The following BNC2 variants were observed in gnomAD, a reference collection of about 807,000 sequenced individuals.
BNC2 encodes basonuclin zinc finger protein 2.
Under a neutral mutation model 76.3 loss-of-function variants are expected in BNC2, and 20 were observed. The ratio of observed to expected loss-of-function variants is 0.26; its 90% CI spans 0.18 to 0.38. The LOEUF (loss-of-function observed/expected upper bound fraction) is 0.38. Ranked by LOEUF, BNC2 falls within the 10% of genes least tolerant of loss-of-function variation. The pLI is 1.00. For missense variants in BNC2, 1,382 were observed against 1,399.8 expected (o/e 0.99, Z 0.20); for synonymous variants, 582 against 514.8 (o/e 1.13, Z -1.77).
At chr9:16,719,582 A>G (rs958608361) in intron 3 of BNC2, among the ~76,000 whole-genome samples, 1 of 152,212 alleles carries the variant, frequency 6.6e-6, no homozygotes, top group Non-Finnish European at 1.5e-5. Context: ...AATTCATGAC[A>G]GTCTCAAAAA....
intron 3 of BNC2, among the ~76,000 whole-genome samples, chr9:16,648,532 G>C (rs531425665): frequency 1.3e-5 from 2 of 152,206 alleles, no homozygotes; most frequent in African/African-American, 4.8e-5. Flanking sequence ...TAAGGACCTG[G>C]GAGAGGTGTC....
chr9:16,846,094 C>T (rs1342222186), intron 1 of BNC2, among the ~76,000 whole-genome samples: 3 of 149,780 alleles, frequency 2.0e-5, no homozygotes, highest in Non-Finnish European at 2.9e-5. Flanking sequence ...GACCCCAGAT[C>T]GCGCCACTGC....
intron 1 of BNC2, among the ~76,000 whole-genome samples, chr9:16,744,874 T>C (rs1419299378): frequency 6.6e-6 from 1 of 152,346 alleles, no homozygotes; most frequent in South Asian, 2.1e-4. Context: ...TGCAAACATA[T>C]GTACATGAAT....
In BNC2 at chr9:16,436,859, T is replaced by G. The variant is rs147566448; in HGVS notation, c.1335A>C (p.Ala445=). The change falls in exon 6 of 7, where the codon GCA becomes GCC. Residue 445 remains alanine (A), a synonymous_variant. Transcript: ENST00000380672. ...CTTTGTCATAGAATGTCTTCCCACA[T>G]GCATTACAGAACACTCTTCCTTTCC... ...ASRKGRVFCN[A]CGKTFYDKGT... 5 of 1,614,150 alleles carry G rather than the reference T, an allele frequency of 3.1e-6. No individual in the cohort carries two copies. In the Admixed American group the frequency reaches 8.3e-5, roughly 27 times the overall value.
intron 3 of BNC2, among the ~76,000 whole-genome samples, chr9:16,616,393 CAAAAT>C (rs1360494387): frequency 2.0e-5 from 3 of 149,106 alleles, no homozygotes; most frequent in African/African-American, 7.4e-5. Context: ...CCCTGTCTCG[CAAAAT>C]AAAATAAAAT....
At chr9:16,431,816 G>A (rs1820912919) in intron 6 of BNC2, among the ~76,000 whole-genome samples, 2 of 152,174 alleles carry the variant, frequency 1.3e-5, no homozygotes, top group African/African-American at 2.4e-5. Context: ...CTCATAAGGA[G>A]TACGCAGCCT....
chr9:16,630,289 C>A (rs960401218), intron 3 of BNC2, among the ~76,000 whole-genome samples: 5 of 152,142 alleles, frequency 3.3e-5, no homozygotes, highest in African/African-American at 1.2e-4. Flanking sequence ...AAGTCCAAAA[C>A]TGGATTATTA....
At chr9:16,629,530 A>C (rs1371796638) in intron 3 of BNC2, among the ~76,000 whole-genome samples, 1 of 152,198 alleles carries the variant, frequency 6.6e-6, no homozygotes, top group Non-Finnish European at 1.5e-5. Flanking sequence ...TGAGGCTTAC[A>C]ATTGGATAAA....
chr9:16,743,000 G>A (rs1242181614), intron 1 of BNC2, among the ~76,000 whole-genome samples: 3 of 152,192 alleles, frequency 2.0e-5, no homozygotes, highest in Non-Finnish European at 2.9e-5. Flanking sequence ...TCATGAGTGA[G>A]AAAGGACAAA....
At chr9:16,513,750 T>C (rs1213599351) in intron 5 of BNC2, among the ~76,000 whole-genome samples, 1 of 152,150 alleles carries the variant, frequency 6.6e-6, no homozygotes, top group East Asian at 1.9e-4. Context: ...GGACCGTAGG[T>C]TGAAGACTGA....
chr9:16,600,233 AATAG>A (rs997245497), intron 3 of BNC2, among the ~76,000 whole-genome samples: 1 of 152,344 alleles, frequency 6.6e-6, no homozygotes, highest in East Asian at 1.9e-4. Context: ...GTGAATCATA[AATAG>A]ATAAGGAAAG....
At chr9:16,498,081 A>ATG (rs530009620) in intron 5 of BNC2, among the ~76,000 whole-genome samples, 70 of 147,844 alleles carry the variant, frequency 4.7e-4, no homozygotes, top group African/African-American at 1.6e-3. Context: ...ATTCTATCAT[A>ATG]TATATATTCC....
At chr9:16,507,744 C>CT (rs1367724107) in intron 5 of BNC2, among the ~76,000 whole-genome samples, 4 of 152,078 alleles carry the variant, frequency 2.6e-5, no homozygotes, top group African/African-American at 9.7e-5. Flanking sequence ...TTCTTCTACG[C>CT]TTCCATTCAA....
intron 3 of BNC2, among the ~76,000 whole-genome samples, chr9:16,695,586 G>GCTGGT (rs1563902947): frequency 6.7e-6 from 1 of 149,212 alleles, no homozygotes; most frequent in African/African-American, 2.5e-5. Flanking sequence ...AGTTACCCAG[G>GCTGGT]CTGGTCTTGA....
chr9:16,609,202 C>T (rs1820469814), intron 3 of BNC2, among the ~76,000 whole-genome samples: 1 of 152,148 alleles, frequency 6.6e-6, no homozygotes, highest in Admixed American at 6.5e-5. Context: ...AAGTCTCAGA[C>T]ATGAAATCAT....
At position 16,469,632 on chromosome 9, in the gene BNC2, G is replaced by C. The variant is rs1392524949; in HGVS notation, c.670-32108C>G. On this transcript the variant is annotated intron_variant, in intron 5 of 6. Transcript: ENST00000380672. ...TTGCTGAAAAGACACCCGAAAATGT[G>C]AAAGCGACTTAGGAACTGGGTAACA... Among the ~76,000 whole-genome samples the C allele has an allele frequency of 2.6e-5, 4 of 152,216 alleles. 1 individual carries two copies. Among genetic ancestry groups the C allele is most frequent in the African/African-American group, 7.2e-5 (3 of 41,446 alleles).
chr9:16,558,272 T>C (rs1409009120), intron 4 of BNC2, among the ~76,000 whole-genome samples: 1 of 152,224 alleles, frequency 6.6e-6, no homozygotes, highest in Non-Finnish European at 1.5e-5. Flanking sequence ...GACAGTGCAA[T>C]TGAATCCAGG....
intron 1 of BNC2, among the ~76,000 whole-genome samples, chr9:16,773,515 A>G (rs115077913): frequency 0.46 from 64,511 of 141,548 alleles, 18,767 homozygotes; most frequent in Non-Finnish European, 0.66. Flanking sequence ...GCAATCAGAA[A>G]AAAAAAAAAA....
chr9:16,858,771 G>C (rs985641241), intron 1 of BNC2, among the ~76,000 whole-genome samples: 1 of 151,888 alleles, frequency 6.6e-6, no homozygotes, highest in Non-Finnish European at 1.5e-5. Flanking sequence ...GCGTGAACCC[G>C]GGAGGCGGAG....
Sources: allele counts gnomAD v4.1 joint callset (sites outside exome capture counted in the v4.1 genomes callset), GRCh38; gene constraint gnomAD v4.1.1; transcripts MANE v1.5; gene names NCBI Gene and HGNC (gene_info 2026-07-23, HGNC 2026-07-21).